The following ST8SIA1 variants were observed in gnomAD, a reference collection of about 807,000 sequenced individuals.
ST8SIA1 encodes alpha-N-acetylneuraminide alpha-2,8-sialyltransferase.
ST8SIA1 carries 16 observed loss-of-function variants against 35.9 expected under a neutral mutation model. That is an observed-to-expected ratio of 0.45 (90% CI 0.30 to 0.68). ST8SIA1 has a LOEUF of 0.68. Ranked by LOEUF, ST8SIA1 falls within the 30% of genes least tolerant of loss-of-function variation. The pLI is 0.09. For missense variants in ST8SIA1, 383 were observed against 453.6 expected (o/e 0.84, Z 1.41); for synonymous variants, 170 against 169.6 (o/e 1.00, Z -0.02).
Position 22,289,750 on chromosome 12 carries a change from A to G in ST8SIA1, c.237-2457T>C, listed in dbSNP as rs952643042. 4.6e-5 allele frequency among the ~76,000 whole-genome samples: 7 copies of G among 152,190 alleles called. 1 individual carries two copies. The highest frequency in any genetic ancestry group is 2.6e-4 in the Admixed American group (4 of 15,274). ...CTTGCCATTCTGTACAAAGTGCTAC[A>G]GGAGGTTCAGAAGGAAAATTTGTCA... On this transcript the variant is annotated intron_variant, in intron 1 of 4. Coordinates refer to ENST00000396037, the MANE Select transcript of ST8SIA1 (RefSeq NM_003034.4).
At chr12:22,296,065 T>C (rs1190741162) in intron 1 of ST8SIA1, among the ~76,000 whole-genome samples, 2 of 152,194 alleles carry the variant, frequency 1.3e-5, no homozygotes, top group Non-Finnish European at 1.5e-5. Flanking sequence ...TTGGGGGGCA[T>C]AATCTGCTGT....
At chr12:22,297,153 G>T in intron 1 of ST8SIA1, among the ~76,000 whole-genome samples, 1 of 151,926 alleles carries the variant, frequency 6.6e-6, no homozygotes, top group East Asian at 1.9e-4. Context: ...TTATGTCTGT[G>T]AAAGATGGGG....
chr12:22,256,648 T>C (rs1457048955), intron 2 of ST8SIA1, among the ~76,000 whole-genome samples: 3 of 152,196 alleles, frequency 2.0e-5, no homozygotes, highest in Admixed American at 2.0e-4. Context: ...TCTGTATTCA[T>C]TGGTAACTGA....
chr12:22,305,109 A>C (rs540430329), intron 1 of ST8SIA1, among the ~76,000 whole-genome samples: 99 of 152,334 alleles, frequency 6.5e-4, no homozygotes, highest in African/African-American at 2.3e-3. Context: ...AGGAATCTAT[A>C]AATGTACTTC....
chr12:22,308,629 C>G (rs1012544768), intron 1 of ST8SIA1, among the ~76,000 whole-genome samples: 1 of 152,166 alleles, frequency 6.6e-6, no homozygotes, highest in Non-Finnish European at 1.5e-5. Flanking sequence ...TATTTCTTCA[C>G]CATCCTTATT....
intron 4 of ST8SIA1, among the ~76,000 whole-genome samples, chr12:22,210,988 T>A (rs1001362633): frequency 6.6e-6 from 1 of 152,240 alleles, no homozygotes; most frequent in Non-Finnish European, 1.5e-5. Context: ...CATTTTCTTT[T>A]TTCTGTCCAT....
intron 4 of ST8SIA1, among the ~76,000 whole-genome samples, chr12:22,240,148 T>A (rs1865523407): frequency 6.6e-6 from 1 of 152,170 alleles, no homozygotes; most frequent in Non-Finnish European, 1.5e-5. Flanking sequence ...TAGATGCAGT[T>A]ACATTATCTC....
chr12:22,317,927 A>G (rs1866540691), intron 1 of ST8SIA1, among the ~76,000 whole-genome samples: 1 of 152,148 alleles, frequency 6.6e-6, no homozygotes, highest in Admixed American at 6.5e-5. Flanking sequence ...CACAGTAAGG[A>G]GATTATATAT....
chr12:22,235,729 C>T (rs1865469492), intron 4 of ST8SIA1, among the ~76,000 whole-genome samples: 1 of 152,166 alleles, frequency 6.6e-6, no homozygotes, highest in Admixed American at 6.5e-5. Context: ...TCTGTACGTT[C>T]CAAAAGGGGT....
chr12:22,295,802 G>A (rs895137980), intron 1 of ST8SIA1, among the ~76,000 whole-genome samples: 1 of 152,186 alleles, frequency 6.6e-6, no homozygotes, highest in Non-Finnish European at 1.5e-5. Flanking sequence ...TTGTGGAAAA[G>A]TAACTAAACT....
intron 1 of ST8SIA1, among the ~76,000 whole-genome samples, chr12:22,311,225 T>C (rs938653899): frequency 2.0e-5 from 3 of 152,214 alleles, no homozygotes; most frequent in Admixed American, 1.3e-4. Context: ...CATAAGAATC[T>C]CATGGTCTTG....
chr12:22,253,496 C>T (rs570915895), intron 3 of ST8SIA1, among the ~76,000 whole-genome samples: 2 of 152,262 alleles, frequency 1.3e-5, no homozygotes, highest in South Asian at 4.2e-4. Flanking sequence ...TAGGGTGAAA[C>T]GAAGAGAAGA....
intron 1 of ST8SIA1, among the ~76,000 whole-genome samples, chr12:22,303,040 A>G (rs1256631131): frequency 6.6e-6 from 1 of 152,174 alleles, no homozygotes; most frequent in Non-Finnish European, 1.5e-5. Context: ...AGGCTGTGTC[A>G]TGGACACACG....
chr12:22,226,758 C>T (rs1865363632), intron 4 of ST8SIA1, among the ~76,000 whole-genome samples: 1 of 152,144 alleles, frequency 6.6e-6, no homozygotes, highest in African/African-American at 2.4e-5. Flanking sequence ...TGCAATTCTG[C>T]CTGCTCTCAG....
chr12:22,202,559 T>C (rs1865060447), intron 4 of ST8SIA1, among the ~76,000 whole-genome samples: 1 of 152,250 alleles, frequency 6.6e-6, no homozygotes, highest in African/African-American at 2.4e-5. Context: ...AGCTTGTTAC[T>C]ATTACAAAAT....
rs554756679 is a variant in ST8SIA1, at chr12:22,219,380, T to C, written c.585-17342A>G. On this transcript the variant is annotated intron_variant, in intron 4 of 4. Coordinates refer to ENST00000396037, the MANE Select transcript of ST8SIA1 (RefSeq NM_003034.4). Reference sequence around the variant, plus strand: ...GTGTCATAAACTCAAACTGAAAATCTGAGAAGGGTGTGAAGACAGGGATCC... The same window carrying C: ...GTGTCATAAACTCAAACTGAAAATCCGAGAAGGGTGTGAAGACAGGGATCC... Among the ~76,000 whole-genome samples, 347 of 152,272 alleles carry C rather than the reference T, an allele frequency of 2.3e-3. 4 individuals are homozygous for C. Among genetic ancestry groups the C allele is most frequent in the African/African-American group, 8.1e-3 (336 of 41,550 alleles).
At chr12:22,277,373 T>TTA (rs1447142993) in intron 2 of ST8SIA1, among the ~76,000 whole-genome samples, 5 of 149,934 alleles carry the variant, frequency 3.3e-5, no homozygotes, top group African/African-American at 1.2e-4. Context: ...GAACTTTTTT[T>TTA]TTTTTTTTTT....
chr12:22,279,429 C>T (rs780494527), intron 2 of ST8SIA1, among the ~76,000 whole-genome samples: 7 of 152,186 alleles, frequency 4.6e-5, no homozygotes, highest in African/African-American at 9.7e-5. Flanking sequence ...TGCTAGGATG[C>T]TCACCTGGTT....
At chr12:22,321,696 G>A (rs1478088543) in intron 1 of ST8SIA1, among the ~76,000 whole-genome samples, 1 of 152,220 alleles carries the variant, frequency 6.6e-6, no homozygotes, top group African/African-American at 2.4e-5. Context: ...CTGGGGTGCG[G>A]GGTGGAGGTC....
Sources: gnomAD v4.1 joint callset for allele counts (sites outside exome capture counted in the v4.1 genomes callset) on GRCh38, gnomAD v4.1.1 for gene constraint, MANE v1.5 for transcripts, NCBI Gene and HGNC (gene_info 2026-07-23, HGNC 2026-07-21) for gene names.